The following EIF3M variants were observed in gnomAD, a reference collection of about 807,000 sequenced individuals.
The protein encoded by EIF3M is B5 receptor.
Under a neutral mutation model 49.7 loss-of-function variants are expected in EIF3M, and 25 were observed. The observed-to-expected ratio is 0.50, with a 90% CI of 0.37 to 0.70. The LOEUF (loss-of-function observed/expected upper bound fraction) is 0.70. EIF3M is among the 30% of genes least tolerant of loss of function. The pLI is 0.00. For synonymous variants in EIF3M, 156 were observed against 149.8 expected (o/e 1.04, Z -0.30); for missense variants, 350 against 440.0 (o/e 0.80, Z 1.83).
chr11:32,600,661 C>G, intron 8 of EIF3M, 28 bp from the exon 9 acceptor site: 4 of 1,582,176 alleles, frequency 2.5e-6, no homozygotes, highest in Non-Finnish European at 2.6e-6. Context: ...TATGAACACT[C>G]ATCAGGCTTC....
In EIF3M at chr11:32,583,957, CG is replaced by C. The variant is rs1371230068; in HGVS notation, c.42+30del. On this transcript the variant is annotated intron_variant, in intron 1 of 10. Transcript: ENST00000531120. ...GTGCTTCGGTCTACGGGTGCCGCCA[CG>C]GTGGGGTGGGGGATGTCCTAGTAGC... is the stretch of plus-strand genomic sequence containing the variant. The C allele has an allele frequency of 6.2e-6, 10 of 1,611,910 alleles. No homozygotes were observed. In the African/African-American group the frequency reaches 6.8e-5, roughly 11 times the overall value.
chr11:32,589,232 A>G (rs1314639191), intron 4 of EIF3M, 97 bp downstream of exon 4: 1 of 1,528,480 alleles, frequency 6.5e-7, no homozygotes, highest in Non-Finnish European at 8.8e-7. Flanking sequence ...GCTGGAGTGC[A>G]ATGGCGCAAT....
At chr11:32,596,665 G>T (rs548623606) in intron 8 of EIF3M, among the ~76,000 whole-genome samples, 1 of 152,072 alleles carries the variant, frequency 6.6e-6, no homozygotes, top group South Asian at 2.1e-4. Context: ...CAGCACTTTG[G>T]GAGGATGAGG....
In EIF3M at chr11:32,602,431, A is replaced by G. The variant is rs1302000631; in HGVS notation, c.*32A>G. ...ATGCTTATAATTTTTGTTCTTTGAAAAAAAAGCCCTAAATCATAGTAAAAC... is the reference window on the plus strand; with the variant it reads ...ATGCTTATAATTTTTGTTCTTTGAAGAAAAAGCCCTAAATCATAGTAAAAC... On this transcript the variant is annotated 3_prime_UTR_variant, in exon 11 of 11. Transcript: ENST00000531120. The G allele has an allele frequency of 1.9e-6, 3 of 1,599,918 alleles. No individual in the cohort carries two copies. The highest frequency in any genetic ancestry group is 1.7e-4 in the Middle Eastern group (1 of 5,886).
At chr11:32,591,413 T>C (rs1855101094) in intron 5 of EIF3M, among the ~76,000 whole-genome samples, 1 of 152,212 alleles carries the variant, frequency 6.6e-6, no homozygotes, top group South Asian at 2.1e-4. Context: ...TATTGCAAAG[T>C]TAAAAATTCC....
chr11:32,586,482 C>T (rs1854999826), intron 1 of EIF3M, among the ~76,000 whole-genome samples: 1 of 152,136 alleles, frequency 6.6e-6, no homozygotes, highest in African/African-American at 2.4e-5. Flanking sequence ...CAGCATTCAC[C>T]GCATTGCCCT....
At chr11:32,594,147 T>G in intron 6 of EIF3M, 198 bp downstream of exon 6, 1 of 362,850 alleles carries the variant, frequency 2.8e-6, no homozygotes. Flanking sequence ...GAATATGAAG[T>G]AGCTGCATGG....
At chr11:32,586,415 A>AT (rs1452178488) in intron 1 of EIF3M, among the ~76,000 whole-genome samples, 2 of 152,192 alleles carry the variant, frequency 1.3e-5, no homozygotes, top group African/African-American at 4.8e-5. Context: ...TCAGATATGC[A>AT]TTTTTAATTT....
rs1398922704 is a variant in EIF3M at position 32,603,172 on chromosome 11, C to CT, written c.*773_*774insT. 1 of 605,628 alleles carries CT rather than the reference C, an allele frequency of 1.7e-6. No homozygotes were observed. The allele number at this position is 605,628 out of a possible 1,614,324, so 37.5% of individuals were successfully genotyped here. On this transcript the variant is annotated 3_prime_UTR_variant, in exon 11 of 11. Coordinates refer to ENST00000531120, the MANE Select transcript of EIF3M (RefSeq NM_006360.6). ...GTAGTTCTGGCACCAGAAAAGTATA[C>CT]AATGTGAATGTGTAGGCTTATGTAG...
chr11:32,589,682 G>C (rs1381488978), intron 5 of EIF3M, 41 bp downstream of exon 5: 1 of 1,562,220 alleles, frequency 6.4e-7, no homozygotes, highest in Non-Finnish European at 8.8e-7. Context: ...TTAACAGACA[G>C]TATAAGTAGG....
intron 5 of EIF3M, among the ~76,000 whole-genome samples, chr11:32,590,852 CTT>C (rs531938787): frequency 1.4e-5 from 2 of 144,808 alleles, no homozygotes; most frequent in Non-Finnish European, 1.5e-5. Context: ...GTTTGTTGTG[CTT>C]TTTTTTTTTT....
At chr11:32,585,160 A>G (rs1854975824) in intron 1 of EIF3M, among the ~76,000 whole-genome samples, 1 of 152,220 alleles carries the variant, frequency 6.6e-6, no homozygotes, top group Non-Finnish European at 1.5e-5. Flanking sequence ...GGGAAAATGC[A>G]AAAGGCGGAG....
chr11:32,600,916 G>C (rs1847593829), intron 9 of EIF3M, 84 bp downstream of exon 9: 5 of 1,484,000 alleles, frequency 3.4e-6, no homozygotes, highest in Non-Finnish European at 3.6e-6. Context: ...TCTGGAAACT[G>C]AGCCTTACAC....
At chr11:32,593,742 A>G in intron 5 of EIF3M, 124 bp from the exon 6 acceptor site, 1 of 540,038 alleles carries the variant, frequency 1.9e-6, no homozygotes, top group Non-Finnish European at 2.9e-6. Context: ...TCCCATAGAC[A>G]GGGACTTTGT....
intron 7 of EIF3M, 50 bp from the exon 8 acceptor site, chr11:32,595,912 CAATA>C: frequency 8.0e-7 from 1 of 1,257,838 alleles, no homozygotes; most frequent in South Asian, 1.3e-5. Flanking sequence ...GAATATCTTA[CAATA>C]AATCTGAATT....
At chr11:32,600,062 TTATATC>T (rs1217426414) in intron 8 of EIF3M, among the ~76,000 whole-genome samples, 3 of 151,968 alleles carry the variant, frequency 2.0e-5, no homozygotes, top group Non-Finnish European at 4.4e-5. Context: ...TATTCTTTAA[TTATATC>T]TAGTACTAAC....
intron 5 of EIF3M, 74 bp downstream of exon 5, chr11:32,589,715 G>A: frequency 7.5e-7 from 1 of 1,330,144 alleles, no homozygotes; most frequent in Non-Finnish European, 1.1e-6. Context: ...TTAAAGAGAA[G>A]TAGGGCCAGT....
rs1323948248 is a variant in EIF3M at position 32,602,534 on chromosome 11, T to A, written c.*135T>A. The A allele has an allele frequency of 9.2e-7, 1 of 1,085,684 alleles. No homozygotes were observed. Among genetic ancestry groups the A allele is most frequent in the African/African-American group, 1.6e-5 (1 of 62,754 alleles). 67.3% of individuals were successfully genotyped at this position (1,085,684 alleles called of 1,614,324 possible). A position where few individuals can be genotyped will look rare whatever the true frequency, so the allele number is the denominator to read the frequency against. On this transcript the variant is annotated 3_prime_UTR_variant, in exon 11 of 11. Transcript: ENST00000531120. ...TACTAAAATCACAAACTCCAGAGGATATGAAGTAATAAATTACAAGGGGTC... is the reference window on the plus strand; with the variant it reads ...TACTAAAATCACAAACTCCAGAGGAAATGAAGTAATAAATTACAAGGGGTC...
chr11:32,590,702 T>A (rs548589253), intron 5 of EIF3M, among the ~76,000 whole-genome samples: 1 of 152,324 alleles, frequency 6.6e-6, no homozygotes, highest in East Asian at 1.9e-4. Flanking sequence ...TGAGAGTTGG[T>A]TTTCTTCTTT....
Sources: gnomAD v4.1 joint callset for allele counts (sites outside exome capture counted in the v4.1 genomes callset) on GRCh38, gnomAD v4.1.1 for gene constraint, MANE v1.5 for transcripts, NCBI Gene and HGNC (gene_info 2026-07-23, HGNC 2026-07-21) for gene names.